STRA8: variants seen among roughly 807,000 people sequenced by gnomAD.
STRA8 encodes the protein stimulated by retinoic acid gene 8 protein homolog.
In STRA8, 18 loss-of-function variants were observed where a neutral mutation model predicts 37.1. That is an observed-to-expected ratio of 0.48 (90% CI 0.34 to 0.72). STRA8 has a LOEUF of 0.72. STRA8 is among the 30% of genes least tolerant of loss of function. STRA8 has a pLI of 0.01. For missense variants in STRA8, 357 were observed against 410.4 expected, an observed-to-expected ratio of 0.87 and a Z score of 1.13; for synonymous variants, 168 against 162.9, an observed-to-expected ratio of 1.03 and a Z score of -0.24.
At chr7:135,232,206 A>G (rs1463975831), upstream of STRA8, among the ~76,000 whole-genome samples, 1 of 151,802 alleles carries the variant, frequency 6.6e-6, no homozygotes, top group Non-Finnish European at 1.5e-5. Context: ...TGGTGCGAGG[A>G]TAAGGCTCCC....
At chr7:135,240,488 G>T in intron 1 of STRA8, 31 bp from the exon 2 acceptor site, 1 of 1,417,706 alleles carries the variant, frequency 7.1e-7, no homozygotes, top group South Asian at 1.3e-5. Flanking sequence ...ATTATCTAGG[G>T]CAAAAAAAAA....
intron 1 of STRA8, among the ~76,000 whole-genome samples, chr7:135,234,246 A>T (rs901670622): frequency 6.6e-6 from 1 of 152,066 alleles, no homozygotes; most frequent in Non-Finnish European, 1.5e-5. Context: ...AGCTGGAACT[A>T]CAGGTGTGGG....
At chr7:135,231,979 A>G (rs772200425), upstream of STRA8, 136 of 1,613,962 alleles carry the variant, frequency 8.4e-5, no homozygotes, top group Non-Finnish European at 1.1e-4. Flanking sequence ...CCTTGCAGCT[A>G]TGGGGAAGAT....
intron 7 of STRA8, among the ~76,000 whole-genome samples, chr7:135,252,560 G>A (rs1438373534): frequency 8.5e-5 from 13 of 152,064 alleles, no homozygotes; most frequent in Admixed American, 8.5e-4. Flanking sequence ...ATTGCCCTGG[G>A]GATGACACTA....
intron 7 of STRA8, among the ~76,000 whole-genome samples, chr7:135,252,436 G>C (rs569419219): frequency 6.6e-6 from 1 of 152,212 alleles, no homozygotes; most frequent in South Asian, 2.1e-4. Context: ...AATTCAACAG[G>C]AGATTTGGGT....
intron 6 of STRA8, among the ~76,000 whole-genome samples, chr7:135,251,441 C>T: frequency 6.6e-6 from 1 of 152,090 alleles, no homozygotes; most frequent in East Asian, 1.9e-4. Context: ...AATCTGTGCG[C>T]CTTGGGAAGT....
chr7:135,235,882 G>C (rs1454406838), intron 1 of STRA8, among the ~76,000 whole-genome samples: 1 of 152,168 alleles, frequency 6.6e-6, no homozygotes, highest in Non-Finnish European at 1.5e-5. Flanking sequence ...GCCAAGATAG[G>C]AGGATCATTT....
At chr7:135,234,123 T>A (rs1261897416) in intron 1 of STRA8, among the ~76,000 whole-genome samples, 1 of 151,568 alleles carries the variant, frequency 6.6e-6, no homozygotes, top group Non-Finnish European at 1.5e-5. Context: ...ATTATCATTT[T>A]GAGACGGAGT....
chr7:135,242,832 CT>C lies in STRA8; in HGVS notation c.245del (p.Leu82ArgfsTer5). 1 of 1,614,226 alleles carries C rather than the reference CT, an allele frequency of 6.2e-7. No individual in the cohort carries two copies. The highest frequency in any genetic ancestry group is 2.2e-5 in the East Asian group (1 of 44,892). On this transcript the variant is annotated frameshift_variant, in exon 3 of 9. Transcript: ENST00000662584. LOFTEE classifies it high-confidence loss of function. ...KSHIPELEQT[L>X]DNLLKLKASF... ...TCATATTCCAGAACTGGAGCAAACCCTGGATAATTTGCTGAAGCTGAAAGGT... is the reference window on the plus strand; with the variant it reads ...TCATATTCCAGAACTGGAGCAAACCCGGATAATTTGCTGAAGCTGAAAGGT...
At chr7:135,249,354 TG>T (rs1290478929) in intron 6 of STRA8, among the ~76,000 whole-genome samples, 4 of 151,824 alleles carry the variant, frequency 2.6e-5, no homozygotes, top group African/African-American at 9.7e-5. Flanking sequence ...GAGGCCAAGG[TG>T]GGTGGATCAT....
intron 7 of STRA8, among the ~76,000 whole-genome samples, chr7:135,254,861 C>A (rs1832682971): frequency 6.6e-6 from 1 of 152,190 alleles, no homozygotes; most frequent in Non-Finnish European, 1.5e-5. Flanking sequence ...TTCCCTTGTT[C>A]CAGTGGCCAC....
chr7:135,234,074 T>C (rs1038838600), intron 1 of STRA8, among the ~76,000 whole-genome samples, 171 bp downstream of exon 1: 1 of 151,184 alleles, frequency 6.6e-6, no homozygotes, highest in Non-Finnish European at 1.5e-5. Flanking sequence ...TTGAGAGTGA[T>C]TCTGGATGAT....
chr7:135,251,989 G>A (rs777181000), intron 7 of STRA8, 120 bp downstream of exon 7: 41 of 786,196 alleles, frequency 5.2e-5, no homozygotes, highest in Non-Finnish European at 8.4e-5. Context: ...GAGACAGAGA[G>A]AGGAGACAGA....
chr7:135,236,565 T>G lies in STRA8; in HGVS notation c.-7+2662T>G, dbSNP rs373811850. On this transcript the variant is annotated intron_variant, in intron 1 of 8. Coordinates refer to ENST00000662584, the MANE Select transcript of STRA8 (RefSeq NM_001394401.1). ...CATTCACCTCTCCAAGCATGCCCAG[T>G]TTTCCAAGTCTGGATAGGATATCCA... Among the ~76,000 whole-genome samples the G allele has an allele frequency of 1.6e-4, 25 of 152,274 alleles. No individual in the cohort carries two copies. The Middle Eastern group carries it at 0.014, about 83-fold the overall frequency.
chr7:135,240,853 A>G (rs1832454163), intron 2 of STRA8, 137 bp downstream of exon 2: 2 of 911,434 alleles, frequency 2.2e-6, no homozygotes, highest in Admixed American at 5.8e-5. Context: ...TGCCCTAGAC[A>G]GGGTAATTTA....
chr7:135,246,319 G>A lies in STRA8; in HGVS notation c.594-98G>A. On this transcript the variant is annotated intron_variant, in intron 5 of 8. Transcript: ENST00000662584. The surrounding 1 kb of genome is among the most constrained non-coding windows in gnomAD (Gnocchi z 5.4). ...CAGCCCTGGTGAGCCGTGGCGCCGT[G>A]GCCGGGCCTGCGTGCTGGGGTCCAC... is the stretch of plus-strand genomic sequence containing the variant. The A allele has an allele frequency of 4.7e-6, 7 of 1,501,102 alleles. No homozygotes were observed. Among genetic ancestry groups the A allele is most frequent in the East Asian group, 2.5e-5 (1 of 40,636 alleles). 93.0% of individuals were successfully genotyped at this position (1,501,102 alleles called of 1,614,324 possible). A position where few individuals can be genotyped will look rare whatever the true frequency, so the allele number is the denominator to read the frequency against.
At chr7:135,239,240 G>A (rs957624322) in intron 1 of STRA8, among the ~76,000 whole-genome samples, 1 of 152,176 alleles carries the variant, frequency 6.6e-6, no homozygotes, top group Non-Finnish European at 1.5e-5. Flanking sequence ...GGTGATGCTT[G>A]ACACACAAAT....
upstream of STRA8, among the ~76,000 whole-genome samples, chr7:135,233,516 G>A (rs1277256523): frequency 6.6e-6 from 1 of 152,136 alleles, no homozygotes; most frequent in Non-Finnish European, 1.5e-5. Context: ...GGAACCAGCT[G>A]GAGGGCATCT....
At chr7:135,252,001 G>GGAGA (rs373521545) in intron 7 of STRA8, 132 bp downstream of exon 7, 13 of 676,930 alleles carry the variant, frequency 1.9e-5, no homozygotes, top group African/African-American at 1.3e-4. Context: ...GGAGACAGAG[G>GGAGA]GAGAGAGAGA....
Sources: allele counts gnomAD v4.1 joint callset (sites outside exome capture counted in the v4.1 genomes callset), GRCh38; gene constraint gnomAD v4.1.1; non-coding constraint Gnocchi (gnomAD v3.1); transcripts MANE v1.5; gene names NCBI Gene and HGNC (gene_info 2026-07-23, HGNC 2026-07-21).